The following PPIC variants were observed in gnomAD, a reference collection of about 807,000 sequenced individuals.
PPIC encodes peptidylprolyl isomerase C, also known as peptidyl-prolyl cis-trans isomerase C.
Under a neutral mutation model 19.5 loss-of-function variants are expected in PPIC, and 19 were observed. That is an observed-to-expected ratio of 0.98 (90% CI 0.68 to 1.43). The LOEUF (loss-of-function observed/expected upper bound fraction) is 1.43, where lower values mean the gene tolerates loss of function less well. Among genes scored for constraint, PPIC ranks in the 40% most tolerant of loss-of-function variants. PPIC has a pLI of 0.00. For missense variants in PPIC, 268 were observed against 268.6 expected (o/e 1.00, Z 0.02); for synonymous variants, 107 against 101.2 (o/e 1.06, Z -0.34).
In PPIC at chr5:123,025,885, C is replaced by T. The variant is rs755709937; in HGVS notation, c.409G>A (p.Ala137Thr). The T allele has an allele frequency of 3.7e-6, 6 of 1,614,048 alleles. No individual in the cohort carries two copies. The highest frequency in any genetic ancestry group is 4.5e-5 in the East Asian group (2 of 44,868). The part of the protein sequence containing the change: ...YGIGWVSMAN[A>T]GPDTNGSQFF... ...TGAGAGCCATTGGTGTCAGGCCCAGCGTTGGCCATGCTGACCCACCCAATG... is the reference window on the plus strand; with the variant it reads ...TGAGAGCCATTGGTGTCAGGCCCAGTGTTGGCCATGCTGACCCACCCAATG... Residue 137 changes from alanine (A) to threonine (T), a missense_variant, in exon 4 of 5, where the codon GCT becomes ACT. By Grantham distance (58) the Ala-to-Thr change is moderately conservative (BLOSUM62 0). Transcript: ENST00000306442.
chr5:123,035,185 T>C (rs1031024862), intron 1 of PPIC, among the ~76,000 whole-genome samples: 2 of 152,222 alleles, frequency 1.3e-5, no homozygotes, highest in Non-Finnish European at 2.9e-5. Flanking sequence ...CATATGCAGT[T>C]CCCTTTGCCT....
In PPIC at chr5:123,028,859, C is replaced by T; in HGVS notation, c.241G>A (p.Gly81Arg). 6.2e-7 allele frequency: 1 copy of T among 1,606,534 alleles called. No individual in the cohort carries two copies. The highest frequency in any genetic ancestry group is 8.5e-7 in the Non-Finnish European group (1 of 1,173,260). ...VALATGEKGYGYKGSKFHRVI... is the reference protein window; with the variant it reads ...VALATGEKGYRYKGSKFHRVI... The stretch of plus-strand genomic sequence containing the variant: ...CGATGAAACTTGCTTCCTTTATATC[C>T]ATATCCTTTCTAAAGAGATTACTTC... Residue 81 changes from glycine (G) to arginine (R), a missense_variant, in exon 3 of 5, where the codon GGA becomes AGA. Gly to Arg is a moderately radical substitution (Grantham distance 125). Transcript: ENST00000306442.
chr5:123,025,326 T>C (rs1762836054), intron 4 of PPIC, among the ~76,000 whole-genome samples: 1 of 152,186 alleles, frequency 6.6e-6, no homozygotes, highest in Non-Finnish European at 1.5e-5. Context: ...CCCCAGCCCC[T>C]GGCAACTACC....
At chr5:123,034,605 G>A (rs980250450) in intron 1 of PPIC, among the ~76,000 whole-genome samples, 1 of 152,194 alleles carries the variant, frequency 6.6e-6, no homozygotes, top group Admixed American at 6.5e-5. Context: ...AGTTTAAGAA[G>A]TTTCCCAGGT....
In PPIC at chr5:123,023,902, A is replaced by G. The variant is rs1180603090; in HGVS notation, c.612T>C (p.Pro204=). The change falls in exon 5 of 5, where the codon CCT becomes CCC. Residue 204 remains proline (P), a synonymous_variant. Coordinates refer to ENST00000306442, the MANE Select transcript of PPIC (RefSeq NM_000943.5). ...INSGKIDVKT[P]FVVEIADW ...ACCAATCAGCGATCTCAACCACAAA[A>G]GGCGTTTTCACGTCTATCTTGCCAC... is the stretch of plus-strand genomic sequence containing the variant. 1 of 1,613,898 alleles carries G rather than the reference A, an allele frequency of 6.2e-7. No individual in the cohort carries two copies. Among genetic ancestry groups the G allele is most frequent in the Non-Finnish European group, 8.5e-7 (1 of 1,179,956 alleles).
At chr5:123,026,439 A>G (rs41334653) in intron 3 of PPIC, among the ~76,000 whole-genome samples, 7,939 of 152,276 alleles carry the variant, frequency 0.052, 702 homozygotes, top group African/African-American at 0.18. Flanking sequence ...CAAGCATTCA[A>G]TATATACCCA....
rs1762898259 is a variant in PPIC at position 123,028,691 on chromosome 5, G to A, written c.325+84C>T. On this transcript the variant is annotated intron_variant, in intron 3 of 4. Transcript: ENST00000306442. ...TTTACAACTGTGTTCCTTAGCTCTG[G>A]ATTTCAACAGACTGGGTTCATATAC... 5.3e-6 allele frequency: 6 copies of A among 1,127,460 alleles called. No homozygotes were observed. In the Admixed American group the frequency reaches 1.3e-4, roughly 25 times the overall value. 69.8% of individuals were successfully genotyped at this position (1,127,460 alleles called of 1,614,324 possible).
At chr5:123,028,673 C>T (rs927961531) in intron 3 of PPIC, 102 bp downstream of exon 3, 5 of 917,072 alleles carry the variant, frequency 5.5e-6, no homozygotes, top group Non-Finnish European at 8.3e-6. Flanking sequence ...GTCTTTACAA[C>T]TGTGTTCCTT....
rs770123185 is a variant in PPIC, at chr5:123,036,488, C to G, written c.117+21G>C. ...GCCCCGCCCGCAACAGGGGAAGTTG[C>G]AGCCCGCCGCTCTCGGTCACCTTGG... is the stretch of plus-strand genomic sequence containing the variant. On this transcript the variant is annotated intron_variant, in intron 1 of 4. Coordinates refer to ENST00000306442, the MANE Select transcript of PPIC (RefSeq NM_000943.5). The surrounding 1 kb of genome is among the most constrained non-coding windows in gnomAD (Gnocchi z 4.5). 6.3e-7 allele frequency: 1 copy of G among 1,592,992 alleles called. No individual in the cohort carries two copies. Among genetic ancestry groups the G allele is most frequent in the East Asian group, 2.2e-5 (1 of 44,488 alleles).
intron 1 of PPIC, among the ~76,000 whole-genome samples, chr5:123,032,186 G>A (rs1297521109): frequency 2.0e-5 from 3 of 152,214 alleles, no homozygotes; most frequent in Non-Finnish European, 4.4e-5. Context: ...GGTGGTCTCA[G>A]TGTGGGTAAC....
chr5:123,024,553 C>T (rs1021977889), intron 4 of PPIC, among the ~76,000 whole-genome samples: 1 of 152,212 alleles, frequency 6.6e-6, no homozygotes, highest in Non-Finnish European at 1.5e-5. Flanking sequence ...GCTGTGAAGG[C>T]ACCTTTCTCT....
At chr5:123,029,056 G>T in intron 2 of PPIC, 188 bp from the exon 3 acceptor site, 1 of 811,480 alleles carries the variant, frequency 1.2e-6, no homozygotes, top group Non-Finnish European at 1.9e-6. Flanking sequence ...TGTTATGGAA[G>T]TAGAGTATTA....
intron 3 of PPIC, 114 bp downstream of exon 3, chr5:123,028,661 T>G (rs1762897737): frequency 1.3e-6 from 1 of 771,312 alleles, no homozygotes; most frequent in Non-Finnish European, 2.1e-6. Context: ...AGAGGTACAG[T>G]CGTCTTTACA....
intron 4 of PPIC, among the ~76,000 whole-genome samples, chr5:123,024,298 A>C (rs1762818133): frequency 6.6e-6 from 1 of 152,354 alleles, no homozygotes; most frequent in Non-Finnish European, 1.5e-5. Flanking sequence ...CTAAAAAAGT[A>C]GATATTTTTG....
intron 1 of PPIC, among the ~76,000 whole-genome samples, chr5:123,035,824 G>A (rs1762999473): frequency 6.6e-6 from 1 of 152,180 alleles, no homozygotes; most frequent in African/African-American, 2.4e-5. Context: ...CTTTCTGGCA[G>A]CCCCCCGCCC....
At chr5:123,033,910 T>C (rs1762971625) in intron 1 of PPIC, among the ~76,000 whole-genome samples, 1 of 152,212 alleles carries the variant, frequency 6.6e-6, no homozygotes, top group Non-Finnish European at 1.5e-5. Context: ...GAAATATAGG[T>C]CAGCAAATGT....
intron 3 of PPIC, chr5:123,028,488 T>C (rs1350742638): frequency 6.7e-6 from 2 of 299,890 alleles, no homozygotes; most frequent in Admixed American, 5.0e-5. Flanking sequence ...TTTTTCTGTA[T>C]GGCTACTGAC....
intron 1 of PPIC, among the ~76,000 whole-genome samples, chr5:123,035,420 C>T (rs1561754983): frequency 6.6e-6 from 1 of 152,154 alleles, no homozygotes; most frequent in Non-Finnish European, 1.5e-5. Flanking sequence ...CAGAGCTTCT[C>T]GAAACCATCA....
intron 3 of PPIC, among the ~76,000 whole-genome samples, chr5:123,026,723 A>C (rs1403121364): frequency 6.6e-6 from 1 of 152,178 alleles, no homozygotes; most frequent in Non-Finnish European, 1.5e-5. Flanking sequence ...GAACCAAAGC[A>C]AGGCAGGAAG....
Sources: allele counts gnomAD v4.1 joint callset (sites outside exome capture counted in the v4.1 genomes callset), GRCh38; gene constraint gnomAD v4.1.1; non-coding constraint Gnocchi (gnomAD v3.1); transcripts MANE v1.5; gene names NCBI Gene and HGNC (gene_info 2026-07-23, HGNC 2026-07-21).